The following ZFHX3 variants were observed in gnomAD, a reference collection of about 807,000 sequenced individuals.
ZFHX3 encodes the protein zinc finger homeobox protein 3.
In ZFHX3, 42 loss-of-function variants were observed where a neutral mutation model predicts 279.1. The observed-to-expected ratio is 0.15, with a 90% CI of 0.12 to 0.19. The LOEUF is 0.19. Among genes scored for constraint, ZFHX3 ranks in the 10% least tolerant of loss-of-function variants. The pLI, the probability that ZFHX3 is intolerant of heterozygous loss-of-function variation, is 1.00. For synonymous variants in ZFHX3, 2,293 were observed against 1,957.8 expected, an observed-to-expected ratio of 1.17 and a Z score of -4.52; for missense variants, 4,981 against 4,754.0, an observed-to-expected ratio of 1.05 and a Z score of -1.40.
At position 72,950,896 on chromosome 16, in the gene ZFHX3, A is replaced by G. The variant is rs1453529982; in HGVS notation, c.2789T>C (p.Leu930Pro). The change falls in exon 3 of 10, where the codon CTG (leucine) becomes CCG (proline). Residue 930 changes from leucine to proline, a missense_variant. Transcript: ENST00000268489. The part of the protein sequence containing the change: ...GQLVSEELMN[L>P]GESFIQTNDP... Reference sequence around the variant, plus strand: ...GTTGGTCTGGATGAAGCTCTCGCCCAGGTTCATCAGCTCCTCTGACACCAG... The same window carrying G: ...GTTGGTCTGGATGAAGCTCTCGCCCGGGTTCATCAGCTCCTCTGACACCAG... The G allele has an allele frequency of 1.9e-6, 3 of 1,613,936 alleles. No individual in the cohort carries two copies. The highest frequency in any genetic ancestry group is 2.5e-6 in the Non-Finnish European group (3 of 1,180,044).
At chr16:73,527,626 A>C (rs561074574) in intron 2 of ZFHX3, among the ~76,000 whole-genome samples, 4 of 152,186 alleles carry the variant, frequency 2.6e-5, no homozygotes, top group Non-Finnish European at 4.4e-5. Context: ...AGGCTAAGCT[A>C]CTAAAAGGCT....
intron 4 of ZFHX3, among the ~76,000 whole-genome samples, chr16:73,279,089 T>G (rs1297498869): frequency 3.3e-5 from 5 of 152,244 alleles, no homozygotes; most frequent in Non-Finnish European, 7.3e-5. Flanking sequence ...TTTTGTAATC[T>G]TTACAAATTA....
At chr16:73,605,907 G>A (rs1342812711) in intron 2 of ZFHX3, among the ~76,000 whole-genome samples, 1 of 151,966 alleles carries the variant, frequency 6.6e-6, no homozygotes, top group East Asian at 1.9e-4. Context: ...TGCTGGGGCA[G>A]GGCACAGTGG....
At chr16:72,812,583 G>GA (rs908017860) in intron 5 of ZFHX3, among the ~76,000 whole-genome samples, 1 of 152,142 alleles carries the variant, frequency 6.6e-6, no homozygotes, top group African/African-American at 2.4e-5. Flanking sequence ...ATATGTGGGG[G>GA]AAAAAAATCA....
intron 1 of ZFHX3, among the ~76,000 whole-genome samples, chr16:73,877,798 T>C (rs1369479777): frequency 6.6e-6 from 1 of 152,058 alleles, no homozygotes; most frequent in Non-Finnish European, 1.5e-5. Context: ...GCCTCACAGA[T>C]AAAAAGGATT....
chr16:73,110,818 C>G (rs1054933148), intron 7 of ZFHX3, among the ~76,000 whole-genome samples: 7 of 152,194 alleles, frequency 4.6e-5, no homozygotes, highest in South Asian at 4.1e-4. Context: ...CCTGCCTTGG[C>G]TTTCCAAATT....
intron 3 of ZFHX3, among the ~76,000 whole-genome samples, chr16:72,920,895 C>T (rs1327180671): frequency 6.6e-6 from 1 of 151,588 alleles, no homozygotes; most frequent in Non-Finnish European, 1.5e-5. Flanking sequence ...GAAAGTGAGA[C>T]CCCCCATATC....
chr16:73,158,319 T>C (rs764880741), intron 5 of ZFHX3, among the ~76,000 whole-genome samples: 3 of 152,278 alleles, frequency 2.0e-5, no homozygotes, highest in Non-Finnish European at 2.9e-5. Flanking sequence ...GACAACTGAA[T>C]AGTTTAAAAT....
intron 3 of ZFHX3, among the ~76,000 whole-genome samples, chr16:73,321,210 A>G (rs1487653804): frequency 6.6e-6 from 1 of 152,188 alleles, no homozygotes; most frequent in African/African-American, 2.4e-5. Flanking sequence ...AAAATTTTCT[A>G]GGGTCCTATG....
intron 4 of ZFHX3, among the ~76,000 whole-genome samples, chr16:72,871,063 CA>C (rs1294060269): frequency 6.6e-6 from 1 of 151,988 alleles, no homozygotes; most frequent in Non-Finnish European, 1.5e-5. Context: ...AGAGAGAAGT[CA>C]AAAAAGGAAA....
At chr16:73,509,277 A>G (rs2019380882) in intron 2 of ZFHX3, among the ~76,000 whole-genome samples, 1 of 152,080 alleles carries the variant, frequency 6.6e-6, no homozygotes, top group African/African-American at 2.4e-5. Flanking sequence ...TGTTTTGAAA[A>G]TGGCACCACC....
chr16:73,175,526 G>T (rs762243319), intron 5 of ZFHX3, among the ~76,000 whole-genome samples: 5 of 152,166 alleles, frequency 3.3e-5, no homozygotes, highest in African/African-American at 7.2e-5. Flanking sequence ...ATGTAACAAC[G>T]CCTGCTCAGA....
chr16:72,968,823 A>G (rs1432581113), intron 1 of ZFHX3, among the ~76,000 whole-genome samples: 1 of 152,168 alleles, frequency 6.6e-6, no homozygotes, highest in Non-Finnish European at 1.5e-5. Context: ...TGTTTTTTAA[A>G]ATACACACTG....
At chr16:73,181,934 C>T (rs1378811007) in intron 5 of ZFHX3, among the ~76,000 whole-genome samples, 1 of 152,144 alleles carries the variant, frequency 6.6e-6, no homozygotes, top group Non-Finnish European at 1.5e-5. Flanking sequence ...TTTTTCTTCA[C>T]ACTGAGGAGA....
chr16:72,794,464 T>C lies in ZFHX3; in HGVS notation c.8218A>G (p.Arg2740Gly). 6.2e-7 allele frequency: 1 copy of C among 1,614,214 alleles called. No homozygotes were observed. Among genetic ancestry groups the C allele is most frequent in the African/African-American group, 1.3e-5 (1 of 75,070 alleles). Reference protein sequence around the residue: ...IRSRHWHEAKRAGYNLTLSAM... With the variant: ...IRSRHWHEAKGAGYNLTLSAM... ...GACAGAGTTAGGTTGTAGCCAGCTC[T>C]CTTGGCTTCATGCCAGTGACGGGAC... The change falls in exon 9 of 10, where the codon AGA (arginine) becomes GGA (glycine). Residue 2740 changes from arginine to glycine, a missense_variant. This residue lies in a region of ZFHX3 where 744 missense variants were observed against 701.3 expected (regional missense o/e 1.06). Transcript: ENST00000268489. This position sits in a 1 kb window ranked among gnomAD's most constrained non-coding sequence, Gnocchi z 4.2.
chr16:73,867,126 T>C (rs1962042912), intron 1 of ZFHX3, among the ~76,000 whole-genome samples: 1 of 152,068 alleles, frequency 6.6e-6, no homozygotes, highest in Non-Finnish European at 1.5e-5. Flanking sequence ...ACAGGTGAAC[T>C]GAGACGGGGG....
chr16:73,289,344 G>C (rs2014711417), intron 4 of ZFHX3, among the ~76,000 whole-genome samples: 1 of 151,890 alleles, frequency 6.6e-6, no homozygotes, highest in Non-Finnish European at 1.5e-5. Context: ...GGTGGGGGGA[G>C]GTAGGTGGTT....
chr16:73,245,486 A>C (rs893977429), intron 5 of ZFHX3, among the ~76,000 whole-genome samples: 2 of 152,212 alleles, frequency 1.3e-5, no homozygotes, highest in Non-Finnish European at 2.9e-5. Context: ...CACTCAATCC[A>C]GGCATGTTGG....
chr16:73,129,752 C>T (rs923291595), intron 7 of ZFHX3, among the ~76,000 whole-genome samples: 5 of 151,600 alleles, frequency 3.3e-5, no homozygotes, highest in Non-Finnish European at 7.4e-5. Context: ...GCCCACTCGC[C>T]AATGTCTGTG....
Sources: gnomAD v4.1 joint callset for allele counts (sites outside exome capture counted in the v4.1 genomes callset) on GRCh38, gnomAD v4.1.1 for gene constraint, gnomAD v4.1.1 regional missense constraint, Gnocchi (gnomAD v3.1) non-coding constraint, MANE v1.5 for transcripts, NCBI Gene and HGNC (gene_info 2026-07-23, HGNC 2026-07-21) for gene names.